Variants in OR1J2 observed in about 807,000 individuals in gnomAD.
OR1J2 encodes the protein olfactory receptor 1J2.
For missense variants in OR1J2, 304 were observed against 246.1 expected, an observed-to-expected ratio of 1.24 and a Z score of -1.57; for synonymous variants, 142 against 99.7, an observed-to-expected ratio of 1.42 and a Z score of -2.52.
At chr9:122,457,397 T>C in the OR1J2 span, among the ~76,000 whole-genome samples, 4 of 151,354 alleles carry the variant, frequency 2.6e-5, no homozygotes, top group African/African-American at 9.7e-5. Context: ...AAAAGAAAAA[T>C]CACTAATCAA....
At chr9:122,476,485 A>G in the OR1J2 span, among the ~76,000 whole-genome samples, 1 of 152,246 alleles carries the variant, frequency 6.6e-6, no homozygotes, top group Non-Finnish European at 1.5e-5. Context: ...AAGAGCAAAC[A>G]AAGTCCTATA....
At chr9:122,480,686 T>A in the OR1J2 span, among the ~76,000 whole-genome samples, 1 of 152,184 alleles carries the variant, frequency 6.6e-6, no homozygotes, top group Non-Finnish European at 1.5e-5. Context: ...ACATGCAGGT[T>A]TGTTACATAT....
chr9:122,519,121 G>A, the OR1J2 span: 2 of 1,531,114 alleles, frequency 1.3e-6, no homozygotes, highest in Non-Finnish European at 1.8e-6. Context: ...TCTATTTCCA[G>A]CAGAGAGAAG....
the OR1J2 span, among the ~76,000 whole-genome samples, chr9:122,558,311 C>CTTTTTTTTTTTTTTTTTTTTT: frequency 2.9e-5 from 1 of 34,472 alleles, no homozygotes. Flanking sequence ...TTGGATTTTG[C>CTTTTTTTTTTTTTTTTTTTTT]TTTTTTTTTT....
At chr9:122,488,778 A>C in the OR1J2 span, among the ~76,000 whole-genome samples, 1 of 152,228 alleles carries the variant, frequency 6.6e-6, no homozygotes, top group East Asian at 1.9e-4. Context: ...TCATTTACTC[A>C]TTCAGAAGAA....
chr9:122,492,676 A>G, the OR1J2 span, among the ~76,000 whole-genome samples: 96,612 of 151,966 alleles, frequency 0.64, 32,433 homozygotes, highest in African/African-American at 0.87. Flanking sequence ...TTTTGACTTC[A>G]TTCCTCTTTA....
At chr9:122,517,901 G>A in the OR1J2 span, among the ~76,000 whole-genome samples, 3 of 152,072 alleles carry the variant, frequency 2.0e-5, no homozygotes, top group Non-Finnish European at 4.4e-5. Flanking sequence ...GTCCCAGTGT[G>A]TATTGTTCTC....
the OR1J2 span, among the ~76,000 whole-genome samples, chr9:122,559,663 T>C: frequency 1.3e-5 from 2 of 149,044 alleles, no homozygotes; most frequent in Non-Finnish European, 2.9e-5. Flanking sequence ...TGAGTTCTAA[T>C]TTGATTTCAC....
At chr9:122,510,572 G>A (rs559710219), upstream of OR1J2, among the ~76,000 whole-genome samples, 29 of 152,062 alleles carry the variant, frequency 1.9e-4, no homozygotes, top group Admixed American at 1.9e-3. Flanking sequence ...GTGCCATGGT[G>A]GTTTGCTGTA....
At chr9:122,460,165 A>ATGTGTGTG in the OR1J2 span, among the ~76,000 whole-genome samples, 24 of 117,120 alleles carry the variant, frequency 2.0e-4, no homozygotes, top group African/African-American at 8.2e-4. Flanking sequence ...TGGTATGTAT[A>ATGTGTGTG]TGTGTGTGTG....
At chr9:122,457,463 A>T in the OR1J2 span, among the ~76,000 whole-genome samples, 1 of 152,180 alleles carries the variant, frequency 6.6e-6, no homozygotes, top group African/African-American at 2.4e-5. Flanking sequence ...AATGGAGGAG[A>T]ATTTGATTTC....
the OR1J2 span, among the ~76,000 whole-genome samples, chr9:122,555,635 C>A: frequency 6.6e-6 from 1 of 152,156 alleles, no homozygotes; most frequent in African/African-American, 2.4e-5. Context: ...GGAATTGGCT[C>A]ATGCAGTTGT....
At chr9:122,496,064 C>A in the OR1J2 span, among the ~76,000 whole-genome samples, 1 of 152,128 alleles carries the variant, frequency 6.6e-6, no homozygotes, top group Non-Finnish European at 1.5e-5. Flanking sequence ...AACGTGGGTA[C>A]CAGCACCTGC....
At chr9:122,450,658 A>G in the OR1J2 span, among the ~76,000 whole-genome samples, 5 of 152,174 alleles carry the variant, frequency 3.3e-5, no homozygotes, top group Non-Finnish European at 5.9e-5. Flanking sequence ...GGTGTTCACT[A>G]TAGTCATCAT....
chr9:122,472,820 AC>A, the OR1J2 span, among the ~76,000 whole-genome samples: 23 of 152,252 alleles, frequency 1.5e-4, no homozygotes, highest in Non-Finnish European at 2.9e-4. Flanking sequence ...CTGTTAACCA[AC>A]CTTTGTGCTG....
At chr9:122,575,099 C>T in the OR1J2 span, among the ~76,000 whole-genome samples, 192 of 152,112 alleles carry the variant, frequency 1.3e-3, 1 homozygote, top group African/African-American at 4.5e-3. Context: ...ATTCAATTTG[C>T]AAACATTTTG....
the OR1J2 span, chr9:122,526,707 A>G: frequency 6.2e-7 from 1 of 1,614,190 alleles, no homozygotes; most frequent in South Asian, 1.1e-5. Flanking sequence ...GACAAAAACC[A>G]TCATCTCGTT....
At chr9:122,567,864 G>A in the OR1J2 span, 1 of 1,614,008 alleles carries the variant, frequency 6.2e-7, no homozygotes. Flanking sequence ...CAAAACAATA[G>A]GTGCTTCTGT....
the OR1J2 span, among the ~76,000 whole-genome samples, chr9:122,484,042 G>A: frequency 6.6e-6 from 1 of 151,238 alleles, no homozygotes; most frequent in Non-Finnish European, 1.5e-5. Context: ...ATGGCTTCAT[G>A]AAGTAATCAA....
Sources: gnomAD v4.1 joint callset for allele counts (sites outside exome capture counted in the v4.1 genomes callset) on GRCh38, gnomAD v4.1.1 for gene constraint, MANE v1.5 for transcripts, NCBI Gene and HGNC (gene_info 2026-07-23, HGNC 2026-07-21) for gene names.